Variants in NAA30 observed in about 807,000 individuals in gnomAD.
The protein encoded by NAA30 is N-alpha-acetyltransferase 30.
A neutral mutation model predicts 31.4 loss-of-function variants in NAA30; 5 were observed. The observed-to-expected ratio is 0.16, with a 90% CI of 0.08 to 0.33. The LOEUF (loss-of-function observed/expected upper bound fraction) is 0.33, where lower values mean the gene tolerates loss of function less well. Ranked by LOEUF, NAA30 falls within the 10% of genes least tolerant of loss-of-function variation. The pLI is 1.00. For missense variants in NAA30, 428 were observed against 490.8 expected (o/e 0.87, Z 1.21); for synonymous variants, 222 against 207.1 (o/e 1.07, Z -0.62).
At chr14:57,397,959 G>T (rs1455379715) in intron 3 of NAA30, among the ~76,000 whole-genome samples, 1 of 152,156 alleles carries the variant, frequency 6.6e-6, no homozygotes, top group Non-Finnish European at 1.5e-5. Context: ...GTGGCTCTTT[G>T]TTCACAGTGG....
At chr14:57,399,932 C>A (rs909718769) in intron 4 of NAA30, 49 bp downstream of exon 4, 2 of 879,642 alleles carry the variant, frequency 2.3e-6, no homozygotes, top group Admixed American at 2.3e-5. Context: ...ATTATTCTTT[C>A]TGGGTATTTT....
chr14:57,397,913 G>A (rs780636294), intron 3 of NAA30, among the ~76,000 whole-genome samples: 3 of 152,088 alleles, frequency 2.0e-5, no homozygotes, highest in East Asian at 1.9e-4. Context: ...GCAAGACTCC[G>A]TTTCAAAAAA....
intron 2 of NAA30, among the ~76,000 whole-genome samples, chr14:57,395,823 C>CA (rs1207842327): frequency 1.3e-5 from 2 of 152,228 alleles, no homozygotes; most frequent in African/African-American, 4.8e-5. Flanking sequence ...CATATATTAA[C>CA]AAAAACCTCT....
chr14:57,397,912 C>T (rs754640468), intron 3 of NAA30, among the ~76,000 whole-genome samples: 27 of 152,166 alleles, frequency 1.8e-4, no homozygotes, highest in East Asian at 3.9e-4. Flanking sequence ...AGCAAGACTC[C>T]GTTTCAAAAA....
intron 4 of NAA30, among the ~76,000 whole-genome samples, chr14:57,402,971 A>G (rs866402418): frequency 1.2e-4 from 18 of 152,336 alleles, no homozygotes; most frequent in Middle Eastern, 3.4e-3. Context: ...ACTTGAGGTC[A>G]GGAGTTGGAG....
intron 2 of NAA30, among the ~76,000 whole-genome samples, chr14:57,394,402 T>A (rs2066442336): frequency 6.6e-6 from 1 of 152,176 alleles, no homozygotes; most frequent in African/African-American, 2.4e-5. Context: ...GTGTTAAGTC[T>A]TAATCTTGCC....
chr14:57,399,957 TA>T, intron 4 of NAA30, 74 bp downstream of exon 4: 2 of 768,532 alleles, frequency 2.6e-6, no homozygotes, highest in Admixed American at 2.5e-5. Flanking sequence ...AAATATTTTA[TA>T]ATTTATTGCA....
In NAA30 at chr14:57,411,800, C is replaced by T. The variant is rs140404924; in HGVS notation, c.*2284C>T. The T allele has an allele frequency of 5.3e-5, 8 of 152,268 alleles. No individual in the cohort carries two copies. In the South Asian group the frequency reaches 1.0e-3, roughly 20 times the overall value. The allele number at this position is 152,268 out of a possible 1,614,324, so 9.4% of individuals were successfully genotyped here. On this transcript the variant is annotated 3_prime_UTR_variant, in exon 5 of 5. Transcript: ENST00000556492. ...TAACCTCTAGCATGAAAACCCAGCA[C>T]CAACACTGAAAGACTCCATTCAGGT...
chr14:57,399,765 A>G (rs768978788), intron 3 of NAA30, 63 bp from the exon 4 acceptor site: 10 of 882,370 alleles, frequency 1.1e-5, no homozygotes, highest in African/African-American at 3.3e-5. Context: ...TACGAATATT[A>G]TAATTTAGGT....
intron 4 of NAA30, among the ~76,000 whole-genome samples, chr14:57,406,571 C>T (rs1470590450): frequency 2.0e-5 from 3 of 152,174 alleles, no homozygotes; most frequent in African/African-American, 7.2e-5. Flanking sequence ...AATAAAACTA[C>T]ATAATACATA....
intron 4 of NAA30, among the ~76,000 whole-genome samples, chr14:57,404,331 C>A (rs1397778368): frequency 6.6e-6 from 1 of 152,038 alleles, no homozygotes; most frequent in African/African-American, 2.4e-5. Flanking sequence ...CACACACACA[C>A]ACAAAAAGAG....
Position 57,399,233 on chromosome 14 carries a change from A to G in NAA30, c.896-595A>G, listed in dbSNP as rs956245699. On this transcript the variant is annotated intron_variant, in intron 3 of 4. Coordinates refer to ENST00000556492, the MANE Select transcript of NAA30 (RefSeq NM_001011713.3). ...TTTGGCAAATTTTTTCCCTTTTAAT[A>G]TACCAATTATATTTGACCCTAAACT... Among the ~76,000 whole-genome samples the G allele has an allele frequency of 1.4e-4, 22 of 152,322 alleles. 1 individual carries two copies. In the South Asian group the frequency reaches 2.3e-3, roughly 16 times the overall value.
At chr14:57,396,213 A>G (rs545234597) in intron 2 of NAA30, among the ~76,000 whole-genome samples, 1 of 152,304 alleles carries the variant, frequency 6.6e-6, no homozygotes, top group Admixed American at 6.5e-5. Flanking sequence ...GAGCTCAAGC[A>G]ATCTGCCTGC....
At position 57,391,605 on chromosome 14, in the gene NAA30, C is replaced by T; in HGVS notation, c.648C>T (p.Val216=). The T allele has an allele frequency of 6.2e-7, 1 of 1,614,222 alleles. No individual in the cohort carries two copies. Among genetic ancestry groups the T allele is most frequent in the Non-Finnish European group, 8.5e-7 (1 of 1,180,044 alleles). ...GGGAGGATCGGACGATACGATATGT[C>T]CGATATGAATCCGAGCTACAAATGC... The part of the protein sequence containing the change: ...EPGEDRTIRY[V]RYESELQMPD... The change falls in exon 2 of 5, where the codon GTC becomes GTT. Residue 216 remains valine, a synonymous_variant. Coordinates refer to ENST00000556492, the MANE Select transcript of NAA30 (RefSeq NM_001011713.3). This position sits in a 1 kb window ranked among gnomAD's most constrained non-coding sequence, Gnocchi z 4.1.
chr14:57,400,594 T>C (rs563674331), intron 4 of NAA30, among the ~76,000 whole-genome samples: 1 of 152,302 alleles, frequency 6.6e-6, no homozygotes, highest in East Asian at 1.9e-4. Flanking sequence ...TTATGAGTAA[T>C]AGAAGTAGCA....
chr14:57,399,074 G>C (rs2066463069), intron 3 of NAA30, among the ~76,000 whole-genome samples: 5 of 151,954 alleles, frequency 3.3e-5, no homozygotes, highest in Non-Finnish European at 7.4e-5. Context: ...TGTTGGCCAG[G>C]CTGGTCTTGA....
At chr14:57,405,820 C>G (rs2066496163) in intron 4 of NAA30, among the ~76,000 whole-genome samples, 1 of 152,142 alleles carries the variant, frequency 6.6e-6, no homozygotes, top group Non-Finnish European at 1.5e-5. Context: ...GAGCTTCCAG[C>G]CTACAGTATT....
intron 4 of NAA30, among the ~76,000 whole-genome samples, chr14:57,403,996 T>C (rs1430545693): frequency 6.6e-6 from 1 of 152,098 alleles, no homozygotes; most frequent in East Asian, 1.9e-4. Flanking sequence ...AGGTTGTTTT[T>C]GTTTTGTTTT....
chr14:57,408,150 G>A (rs1394551144), intron 4 of NAA30, among the ~76,000 whole-genome samples: 1 of 152,156 alleles, frequency 6.6e-6, no homozygotes, highest in Non-Finnish European at 1.5e-5. Context: ...GCTTGAGAAA[G>A]AACAGGAAGA....
Sources: gnomAD v4.1 joint callset for allele counts (sites outside exome capture counted in the v4.1 genomes callset) on GRCh38, gnomAD v4.1.1 for gene constraint, Gnocchi (gnomAD v3.1) non-coding constraint, MANE v1.5 for transcripts, NCBI Gene and HGNC (gene_info 2026-07-23, HGNC 2026-07-21) for gene names.